The following NXNL1 variants were observed in gnomAD, a reference collection of about 807,000 sequenced individuals.
The protein encoded by NXNL1 is nucleoredoxin-like protein 1.
NXNL1 carries 6 observed loss-of-function variants against 7.2 expected under a neutral mutation model. That is an observed-to-expected ratio of 0.83 (90% CI 0.46 to 1.64). NXNL1 has a LOEUF of 1.64. NXNL1 is among the 40% of genes most tolerant of loss of function. NXNL1 has a pLI of 0.01. For synonymous variants in NXNL1, 133 were observed against 127.2 expected (o/e 1.05, Z -0.31); for missense variants, 308 against 285.1 (o/e 1.08, Z -0.58).
At chr19:17,459,830 C>T (rs2075006172) in intron 1 of NXNL1, among the ~76,000 whole-genome samples, 1 of 152,048 alleles carries the variant, frequency 6.6e-6, no homozygotes, top group Non-Finnish European at 1.5e-5. Context: ...CTTACCATAG[C>T]CTCCCAGGTG....
intron 1 of NXNL1, among the ~76,000 whole-genome samples, chr19:17,458,261 C>T (rs1171413157): frequency 1.4e-5 from 2 of 146,058 alleles, no homozygotes; most frequent in Non-Finnish European, 3.0e-5. Context: ...GCTCTGTCGC[C>T]CAGGCTGGAG....
chr19:17,460,001 G>T (rs187166214), intron 1 of NXNL1, among the ~76,000 whole-genome samples: 3 of 151,232 alleles, frequency 2.0e-5, no homozygotes, highest in Admixed American at 2.0e-4. Context: ...ACTGCAATTC[G>T]CTATTATATA....
Position 17,455,685 on chromosome 19 carries a change from C to CCA in NXNL1, c.600_601insTG (p.Gly201TrpfsTer64). 1.3e-6 allele frequency: 2 copies of CCA among 1,511,426 alleles called. No individual in the cohort carries two copies. Among genetic ancestry groups the CCA allele is most frequent in the Non-Finnish European group, 1.8e-6 (2 of 1,127,534 alleles). 93.6% of individuals were successfully genotyped at this position (1,511,426 alleles called of 1,614,324 possible). A position where few individuals can be genotyped will look rare whatever the true frequency, so the allele number is the denominator to read the frequency against. ...CCGGCCCCGCCCTCCTCCCCACCCCCTCCCCCGGGGTCGCGCCCGCCTCGC... is the reference window on the plus strand; with the variant it reads ...CCGGCCCCGCCCTCCTCCCCACCCCCCATCCCCCGGGGTCGCGCCCGCCTCGC... On this transcript the variant is annotated frameshift_variant, in exon 2 of 2. Transcript: ENST00000301944. LOFTEE classifies it high-confidence loss of function.
intron 1 of NXNL1, 34 bp downstream of exon 1, chr19:17,460,510 C>T: frequency 6.3e-7 from 1 of 1,594,224 alleles, no homozygotes; most frequent in Non-Finnish European, 8.5e-7. Flanking sequence ...GAACATGCCC[C>T]CTCCTCCAGG....
Position 17,455,812 on chromosome 19 carries a change from C to T in NXNL1, c.474G>A (p.Val158=). The part of the protein sequence containing the change: ...CFANWQEAAE[V]LDRNFQLPED... ...CTGGCAGCTGGAAGTTGCGGTCCAG[C>T]ACCTCGGCCGCCTCCTGCCAGTTGG... Residue 158 remains valine, a synonymous_variant, in exon 2 of 2, where the codon GTG becomes GTA. Transcript: ENST00000301944. 2 of 1,572,134 alleles carry T rather than the reference C, an allele frequency of 1.3e-6. No homozygotes were observed.
intron 1 of NXNL1, among the ~76,000 whole-genome samples, chr19:17,458,940 T>C (rs2075003469): frequency 6.6e-6 from 1 of 152,062 alleles, no homozygotes; most frequent in African/African-American, 2.4e-5. Context: ...ATTTTAGAGA[T>C]GGGAGTGGTG....
At chr19:17,459,253 G>C in intron 1 of NXNL1, among the ~76,000 whole-genome samples, 1 of 137,866 alleles carries the variant, frequency 7.3e-6, no homozygotes, top group Non-Finnish European at 1.7e-5. Flanking sequence ...ATCCTCTCCG[G>C]AATTACCTAC....
Position 17,455,585 on chromosome 19 carries a change from G to GGGGGT in NXNL1, c.*57_*61dup. 2.0e-6 allele frequency: 2 copies of GGGGGT among 1,022,274 alleles called. No individual in the cohort carries two copies. Among genetic ancestry groups the GGGGGT allele is most frequent in the Non-Finnish European group, 2.8e-6 (2 of 704,920 alleles). The allele number at this position is 1,022,274 out of a possible 1,614,324, so 63.3% of individuals were successfully genotyped here. A position where few individuals can be genotyped will look rare whatever the true frequency, so the allele number is the denominator to read the frequency against. The stretch of plus-strand genomic sequence containing the variant: ...CCAAGTGCTGGGATTACAGGCGTGC[G>GGGGGT]GGGGTGGGGTGGGGGTGGAGGTTCA... On this transcript the variant is annotated 3_prime_UTR_variant, in exon 2 of 2. Transcript: ENST00000301944.
At chr19:17,458,381 C>T (rs893499876) in intron 1 of NXNL1, among the ~76,000 whole-genome samples, 5 of 150,908 alleles carry the variant, frequency 3.3e-5, no homozygotes, top group African/African-American at 7.3e-5. Flanking sequence ...CCACCACGCC[C>T]GGCTAATTTA....
rs367835868 is a variant in NXNL1, at chr19:17,458,459, C to T, written c.326+2085G>A. Among the ~76,000 whole-genome samples the T allele has an allele frequency of 3.1e-3, 470 of 151,882 alleles. 1 individual carries two copies. Among genetic ancestry groups the T allele is most frequent in the African/African-American group, 0.011 (451 of 41,472 alleles). ...TCCTGACCTCGTGATCCGCCCGCCT[C>T]GGCCTCTCAAAGTGCTAGGATTACA... On this transcript the variant is annotated intron_variant, in intron 1 of 1. Transcript: ENST00000301944.
At position 17,455,611 on chromosome 19, in the gene NXNL1, T is replaced by C; in HGVS notation, c.*36A>G. 2 of 1,281,258 alleles carry C rather than the reference T, an allele frequency of 1.6e-6. No homozygotes were observed. Among genetic ancestry groups the C allele is most frequent in the Non-Finnish European group, 2.2e-6 (2 of 927,842 alleles). 79.4% of individuals were successfully genotyped at this position (1,281,258 alleles called of 1,614,324 possible). A position where few individuals can be genotyped will look rare whatever the true frequency, so the allele number is the denominator to read the frequency against. ...GGGGTGGGGTGGGGGTGGAGGTTCA[T>C]CAACAAACCCCACTCCTCTCCTCCA... On this transcript the variant is annotated 3_prime_UTR_variant, in exon 2 of 2. Transcript: ENST00000301944.
intron 1 of NXNL1, 30 bp from the exon 2 acceptor site, chr19:17,455,989 A>G: frequency 1.3e-6 from 2 of 1,596,786 alleles, no homozygotes; most frequent in African/African-American, 2.7e-5. Context: ...GTCTGGACGG[A>G]TCCACATCCC....
Position 17,455,694 on chromosome 19 carries a change from G to A in NXNL1, c.592C>T (p.Pro198Ser), listed in dbSNP as rs1308881778. 3.9e-6 allele frequency: 4 copies of A among 1,021,882 alleles called. No homozygotes were observed. Among genetic ancestry groups the A allele is most frequent in the Admixed American group, 2.4e-5 (1 of 41,072 alleles). The allele number at this position is 1,021,882 out of a possible 1,614,324, so 63.3% of individuals were successfully genotyped here. A position where few individuals can be genotyped will look rare whatever the true frequency, so the allele number is the denominator to read the frequency against. ...CCCTCCTCCCCACCCCCTCCCCCGGGGTCGCGCCCGCCTCGCGCCGCCTTT... is the reference window on the plus strand; with the variant it reads ...CCCTCCTCCCCACCCCCTCCCCCGGAGTCGCGCCCGCCTCGCGCCGCCTTT... The part of the protein sequence containing the change: ...VEKAARGGRD[P>S]GGGGGEEGGA... Residue 198 changes from proline to serine, a missense_variant, in exon 2 of 2, where the codon CCC becomes TCC. Coordinates refer to ENST00000301944, the MANE Select transcript of NXNL1 (RefSeq NM_138454.2).
chr19:17,459,039 G>A (rs2075003724), intron 1 of NXNL1, among the ~76,000 whole-genome samples: 1 of 151,858 alleles, frequency 6.6e-6, no homozygotes, highest in Non-Finnish European at 1.5e-5. Context: ...GGGATTGCAG[G>A]TGTCAGCCAC....
rs1475185945 is a variant in NXNL1, at chr19:17,455,442, A to G, written c.*205T>C. 1.0e-5 allele frequency: 6 copies of G among 577,292 alleles called. No individual in the cohort carries two copies. Among genetic ancestry groups the G allele is most frequent in the Non-Finnish European group, 1.8e-5 (6 of 325,726 alleles). 35.8% of individuals were successfully genotyped at this position (577,292 alleles called of 1,614,324 possible). A position where few individuals can be genotyped will look rare whatever the true frequency, so the allele number is the denominator to read the frequency against. ...CCTCAGCCTTCAGGGTAGCTAAGCC[A>G]CAGGTGCGCGCCACCACACCGGGCT... On this transcript the variant is annotated 3_prime_UTR_variant, in exon 2 of 2. Transcript: ENST00000301944.
rs761517277 is a variant in NXNL1 at position 17,460,765 on chromosome 19, C to G, written c.105G>C (p.Val35=). The change falls in exon 1 of 2, where the codon GTG becomes GTC. Residue 35 remains valine (V), a synonymous_variant. Transcript: ENST00000301944. ...EVSRRLENRL[V]LLFFGAGACP... is the part of the protein sequence containing the mutation. Reference sequence around the variant, plus strand: ...AAGCCCCAGCACCAAAGAACAGCAGCACCAGCCGGTTCTCCAGCCTGCGAC... The same window carrying G: ...AAGCCCCAGCACCAAAGAACAGCAGGACCAGCCGGTTCTCCAGCCTGCGAC... The G allele has an allele frequency of 6.2e-7, 1 of 1,613,778 alleles. No homozygotes were observed. Among genetic ancestry groups the G allele is most frequent in the South Asian group, 1.1e-5 (1 of 91,090 alleles).
intron 1 of NXNL1, among the ~76,000 whole-genome samples, chr19:17,458,964 T>A (rs1344283160): frequency 2.0e-5 from 3 of 152,104 alleles, no homozygotes; most frequent in Non-Finnish European, 4.4e-5. Context: ...TCTTGCTGTG[T>A]TGCCCAAGCT....
chr19:17,460,501 A>C (rs2075008435), intron 1 of NXNL1, 43 bp downstream of exon 1: 3 of 1,587,918 alleles, frequency 1.9e-6, no homozygotes, highest in African/African-American at 1.3e-5. Flanking sequence ...ACTTTCAGCG[A>C]ACATGCCCCC....
chr19:17,460,295 G>C (rs2075007581), intron 1 of NXNL1, among the ~76,000 whole-genome samples: 1 of 152,164 alleles, frequency 6.6e-6, no homozygotes, highest in African/African-American at 2.4e-5. Flanking sequence ...ACAGGGTTAA[G>C]CCACCATGCC....
Sources: gnomAD v4.1 joint callset for allele counts (sites outside exome capture counted in the v4.1 genomes callset) on GRCh38, gnomAD v4.1.1 for gene constraint, MANE v1.5 for transcripts, NCBI Gene and HGNC (gene_info 2026-07-23, HGNC 2026-07-21) for gene names.